Variants in PPP2R2B observed in about 807,000 individuals in gnomAD.
PPP2R2B encodes the protein protein phosphatase 2 regulatory subunit Bbeta.
A neutral mutation model predicts 46.0 loss-of-function variants in PPP2R2B; 5 were observed. The observed-to-expected ratio is 0.11, with a 90% CI of 0.06 to 0.23. PPP2R2B has a LOEUF of 0.23. PPP2R2B is among the 10% of genes least tolerant of loss of function. The pLI, the probability that PPP2R2B is intolerant of heterozygous loss-of-function variation, is 1.00. For synonymous variants in PPP2R2B, 215 were observed against 206.7 expected, an observed-to-expected ratio of 1.04 and a Z score of -0.34; for missense variants, 367 against 575.0, an observed-to-expected ratio of 0.64 and a Z score of 3.70.
At chr5:147,070,738 C>T (rs1324654062) in intron 2 of PPP2R2B, among the ~76,000 whole-genome samples, 1 of 152,110 alleles carries the variant, frequency 6.6e-6, no homozygotes, top group Non-Finnish European at 1.5e-5. Flanking sequence ...ATACTATTGT[C>T]GGACTACCTT....
chr5:146,873,888 C>A (rs921500990), intron 2 of PPP2R2B, among the ~76,000 whole-genome samples: 4 of 152,172 alleles, frequency 2.6e-5, no homozygotes, highest in African/African-American at 9.7e-5. Context: ...CTGCAGACTC[C>A]ATTCTCATTT....
rs1755039603 is a variant in PPP2R2B, at chr5:147,017,031, A to G, written c.79+38634T>C. Among the ~76,000 whole-genome samples, 4 of 151,554 alleles carry G rather than the reference A, an allele frequency of 2.6e-5. No homozygotes were observed. The South Asian group carries it at 8.3e-4, about 32-fold the overall frequency. ...ATGGTCAGATTTAAGTTTTGGATAG[A>G]TTGCTCTGGCTGCAGGGTGGAGGCT... On this transcript the variant is annotated intron_variant, in intron 1 of 8. Transcript: ENST00000336640.
intron 2 of PPP2R2B, among the ~76,000 whole-genome samples, chr5:146,744,395 A>G (rs770968208): frequency 4.6e-5 from 7 of 152,214 alleles, no homozygotes; most frequent in Admixed American, 6.5e-5. Context: ...GATGAAAGGA[A>G]CTTGGCCCTT....
intron 1 of PPP2R2B, among the ~76,000 whole-genome samples, chr5:146,995,382 G>A (rs1753880473): frequency 6.6e-6 from 1 of 152,200 alleles, no homozygotes. Flanking sequence ...TACACTCTGT[G>A]TTGAGGCTGG....
chr5:147,055,603 G>A, intron 1 of PPP2R2B: 2 of 1,438,106 alleles, frequency 1.4e-6, no homozygotes, highest in Non-Finnish European at 9.8e-7. Context: ...AGAACCCGTG[G>A]GAAGTCAGAC....
At chr5:146,706,392 C>T (rs564032250) in intron 2 of PPP2R2B, 1 of 744,798 alleles carries the variant, frequency 1.3e-6, no homozygotes, top group African/African-American at 1.8e-5. Flanking sequence ...CTCACACCAC[C>T]TGCATAGCCG....
intron 1 of PPP2R2B, among the ~76,000 whole-genome samples, chr5:147,042,982 G>A (rs1466246222): frequency 1.3e-5 from 2 of 152,108 alleles, no homozygotes. Flanking sequence ...TGAGTGAAGA[G>A]GAGTTAGAGG....
intron 2 of PPP2R2B, among the ~76,000 whole-genome samples, chr5:146,853,494 T>C (rs1289485959): frequency 3.3e-5 from 5 of 152,154 alleles, no homozygotes; most frequent in Admixed American, 2.6e-4. Flanking sequence ...TAAGGTGACT[T>C]TGAGCAAATT....
chr5:147,060,401 C>T (rs115727165), upstream of PPP2R2B, among the ~76,000 whole-genome samples: 27 of 152,224 alleles, frequency 1.8e-4, no homozygotes, highest in African/African-American at 6.5e-4. Context: ...CTGCAGTGGG[C>T]AGATCACTTG....
chr5:146,836,217 G>A (rs755255215), intron 2 of PPP2R2B, among the ~76,000 whole-genome samples: 29 of 151,984 alleles, frequency 1.9e-4, no homozygotes, highest in Non-Finnish European at 3.7e-4. Context: ...CACTGGTTAC[G>A]TTTTCCAATG....
chr5:146,983,401 T>G (rs376574662), intron 1 of PPP2R2B, among the ~76,000 whole-genome samples: 2 of 152,168 alleles, frequency 1.3e-5, no homozygotes, highest in South Asian at 2.1e-4. Flanking sequence ...AGGATGGTCT[T>G]GATCTCCTGA....
At chr5:146,918,132 C>A (rs760545107) in intron 1 of PPP2R2B, among the ~76,000 whole-genome samples, 2 of 152,136 alleles carry the variant, frequency 1.3e-5, no homozygotes, top group Non-Finnish European at 2.9e-5. Flanking sequence ...ATGAAAATGA[C>A]AGAACTGCCA....
At chr5:146,817,809 C>T (rs765177975) in intron 2 of PPP2R2B, among the ~76,000 whole-genome samples, 11 of 152,196 alleles carry the variant, frequency 7.2e-5, no homozygotes, top group South Asian at 2.1e-4. Flanking sequence ...CTTTGACCAA[C>T]GGTCAAATAT....
chr5:146,658,561 G>A (rs1195942003), intron 5 of PPP2R2B, among the ~76,000 whole-genome samples: 1 of 152,086 alleles, frequency 6.6e-6, no homozygotes, highest in African/African-American at 2.4e-5. Flanking sequence ...GAACAGCAGT[G>A]GTGGATGACT....
chr5:146,747,224 G>A (rs1032224998), intron 2 of PPP2R2B, among the ~76,000 whole-genome samples: 6 of 152,140 alleles, frequency 3.9e-5, no homozygotes, highest in Non-Finnish European at 7.3e-5. Flanking sequence ...TCTCCCAATG[G>A]TAGGCAGTTT....
At chr5:146,949,933 T>A (rs1764599497) in intron 1 of PPP2R2B, among the ~76,000 whole-genome samples, 1 of 151,938 alleles carries the variant, frequency 6.6e-6, no homozygotes, top group Admixed American at 6.6e-5. Flanking sequence ...ATTGAACTCA[T>A]GGAGACAGAG....
chr5:146,942,664 C>G (rs1348300702), intron 1 of PPP2R2B, among the ~76,000 whole-genome samples: 1 of 152,154 alleles, frequency 6.6e-6, no homozygotes, highest in African/African-American at 2.4e-5. Context: ...TTTCTCCCAT[C>G]TTCTTTGTCC....
chr5:146,650,019 A>G (rs1775851711), intron 6 of PPP2R2B, among the ~76,000 whole-genome samples: 2 of 152,172 alleles, frequency 1.3e-5, no homozygotes, highest in South Asian at 4.2e-4. Context: ...CATTTCATCA[A>G]ACTGTACAAT....
intron 2 of PPP2R2B, among the ~76,000 whole-genome samples, chr5:146,759,245 C>T (rs1017199617): frequency 3.9e-5 from 6 of 152,170 alleles, no homozygotes; most frequent in African/African-American, 1.4e-4. Flanking sequence ...AATAATATTG[C>T]TTCTTAGAAA....
Sources: gnomAD v4.1 joint callset for allele counts (sites outside exome capture counted in the v4.1 genomes callset) on GRCh38, gnomAD v4.1.1 for gene constraint, MANE v1.5 for transcripts, NCBI Gene and HGNC (gene_info 2026-07-23, HGNC 2026-07-21) for gene names.